The following MAGI2 variants were observed in gnomAD, a reference collection of about 807,000 sequenced individuals.
MAGI2 encodes the protein membrane-associated guanylate kinase, WW and PDZ domain-containing protein 2.
MAGI2 carries 35 observed loss-of-function variants against 133.3 expected under a neutral mutation model. The observed-to-expected ratio is 0.26, with a 90% CI of 0.20 to 0.35. The LOEUF is 0.35. Among genes scored for constraint, MAGI2 ranks in the 10% least tolerant of loss-of-function variants. MAGI2 has a pLI of 1.00. For synonymous variants in MAGI2, 729 were observed against 710.6 expected, an observed-to-expected ratio of 1.03 and a Z score of -0.41; for missense variants, 1,636 against 1,863.4, an observed-to-expected ratio of 0.88 and a Z score of 2.25.
intron 1 of MAGI2, among the ~76,000 whole-genome samples, chr7:79,017,347 T>C (rs1584691636): frequency 6.6e-6 from 1 of 152,114 alleles, no homozygotes; most frequent in African/African-American, 2.4e-5. Context: ...CCTAAAGTCC[T>C]TCAAAAATGA....
At chr7:78,547,009 T>C (rs556925340) in intron 3 of MAGI2, among the ~76,000 whole-genome samples, 1 of 152,196 alleles carries the variant, frequency 6.6e-6, no homozygotes, top group Non-Finnish European at 1.5e-5. Flanking sequence ...GCTCACTTAA[T>C]TGTACAGTAA....
chr7:78,875,464 G>C (rs1795346013), intron 2 of MAGI2, among the ~76,000 whole-genome samples: 1 of 152,184 alleles, frequency 6.6e-6, no homozygotes, highest in African/African-American at 2.4e-5. Flanking sequence ...AAGACCCTCA[G>C]GGAGTCAGAC....
At chr7:78,849,716 C>T (rs1424482993) in intron 2 of MAGI2, among the ~76,000 whole-genome samples, 1 of 151,946 alleles carries the variant, frequency 6.6e-6, no homozygotes, top group Non-Finnish European at 1.5e-5. Context: ...TGAAAGGAAA[C>T]CTCTCTAAAG....
chr7:78,081,184 C>G (rs980261684), intron 20 of MAGI2, among the ~76,000 whole-genome samples: 1 of 152,192 alleles, frequency 6.6e-6, no homozygotes, highest in African/African-American at 2.4e-5. Context: ...GATGTCCACT[C>G]TCTCTGTTCA....
At chr7:79,205,112 C>T (rs558145443) in intron 1 of MAGI2, among the ~76,000 whole-genome samples, 47 of 151,494 alleles carry the variant, frequency 3.1e-4, no homozygotes, top group African/African-American at 1.1e-3. Context: ...CGCAAATATC[C>T]GTGCATTAGG....
intron 2 of MAGI2, among the ~76,000 whole-genome samples, chr7:78,885,655 A>G (rs74321716): frequency 8.2e-5 from 5 of 60,734 alleles, no homozygotes; most frequent in Non-Finnish European, 1.4e-4. Flanking sequence ...GTGTGTGTGT[A>G]TTTTATATAA....
chr7:79,449,555 C>A (rs1849093337), intron 1 of MAGI2, among the ~76,000 whole-genome samples: 3 of 151,960 alleles, frequency 2.0e-5, no homozygotes, highest in Middle Eastern at 3.4e-3. Flanking sequence ...GAAAGAAGAC[C>A]TTTAGCACTT....
chr7:79,174,350 G>A lies in MAGI2; in HGVS notation c.302-167144C>T, dbSNP rs372585823. Among the ~76,000 whole-genome samples the A allele has an allele frequency of 1.3e-4, 20 of 151,892 alleles. No individual in the cohort carries two copies. The East Asian group carries it at 1.4e-3, about 10-fold the overall frequency. ...TAAATGGATATATGTATATAAGATC[G>A]CTAGGAAAATACTTTAGAAGCATAA... On this transcript the variant is annotated intron_variant, in intron 1 of 21. Transcript: ENST00000354212.
chr7:78,623,170 T>A (rs1232471452), intron 3 of MAGI2, among the ~76,000 whole-genome samples: 3 of 152,066 alleles, frequency 2.0e-5, no homozygotes, highest in Non-Finnish European at 4.4e-5. Flanking sequence ...TTGACATAAT[T>A]TTTCAGCTTA....
chr7:79,071,094 G>A (rs1814917263), intron 1 of MAGI2, among the ~76,000 whole-genome samples: 1 of 152,144 alleles, frequency 6.6e-6, no homozygotes, highest in Non-Finnish European at 1.5e-5. Context: ...ATCTACCTTT[G>A]GTCTTTGATG....
rs10452910 is a variant in MAGI2 at position 78,588,203 on chromosome 7, T to C, written c.538+38917A>G. On this transcript the variant is annotated intron_variant, in intron 3 of 21. Transcript: ENST00000354212. ...TCTCTCCACCCGACACTTTATCATCTTTGTTATGTGACAATTAACTGGAGG... is the reference window on the plus strand; with the variant it reads ...TCTCTCCACCCGACACTTTATCATCCTTGTTATGTGACAATTAACTGGAGG... Among the ~76,000 whole-genome samples the C allele has an allele frequency of 2.3e-3, 351 of 152,346 alleles. 2 individuals carry two copies. The highest frequency in any genetic ancestry group is 7.9e-3 in the African/African-American group (329 of 41,588).
intron 3 of MAGI2, among the ~76,000 whole-genome samples, chr7:78,533,640 G>A (rs1797650539): frequency 6.6e-6 from 1 of 152,148 alleles, no homozygotes; most frequent in Non-Finnish European, 1.5e-5. Flanking sequence ...TTCGAGTTGA[G>A]ATGTGCTGTA....
intron 2 of MAGI2, among the ~76,000 whole-genome samples, chr7:78,692,291 G>C (rs1304034213): frequency 6.6e-6 from 1 of 152,146 alleles, no homozygotes; most frequent in East Asian, 1.9e-4. Context: ...TAAAAGAAGA[G>C]ACTGAATGGT....
intron 1 of MAGI2, among the ~76,000 whole-genome samples, chr7:79,334,346 T>C (rs1045615178): frequency 1.1e-4 from 16 of 152,334 alleles, no homozygotes; most frequent in African/African-American, 3.6e-4. Flanking sequence ...ATGGTTATTT[T>C]AGTTCTCAGG....
At chr7:78,160,374 A>T in intron 15 of MAGI2, 101 bp from the exon 16 acceptor site, 1 of 1,240,840 alleles carries the variant, frequency 8.1e-7, no homozygotes, top group Non-Finnish European at 1.1e-6. Context: ...TATTGTTACA[A>T]GACTGGTTGA....
At chr7:78,866,932 T>A (rs968259029) in intron 2 of MAGI2, among the ~76,000 whole-genome samples, 1 of 151,850 alleles carries the variant, frequency 6.6e-6, no homozygotes, top group African/African-American at 2.4e-5. Flanking sequence ...CAAAAACACA[T>A]GAAAAAATGC....
intron 2 of MAGI2, among the ~76,000 whole-genome samples, chr7:78,931,536 T>C (rs1280437268): frequency 6.6e-6 from 1 of 152,076 alleles, no homozygotes; most frequent in Non-Finnish European, 1.5e-5. Context: ...AACAGAGCCT[T>C]CTACAGAAAC....
chr7:78,573,076 T>TACACACACAC (rs1217454892), intron 3 of MAGI2, among the ~76,000 whole-genome samples: 16 of 52,572 alleles, frequency 3.0e-4, no homozygotes, highest in African/African-American at 8.4e-4. Context: ...TATATATATA[T>TACACACACAC]ACACACACAC....
At chr7:79,203,242 T>C (rs1828765480) in intron 1 of MAGI2, among the ~76,000 whole-genome samples, 1 of 152,098 alleles carries the variant, frequency 6.6e-6, no homozygotes, top group Non-Finnish European at 1.5e-5. Flanking sequence ...CTGCTTCTTA[T>C]TTGCATTTAT....
Sources: allele counts gnomAD v4.1 joint callset (sites outside exome capture counted in the v4.1 genomes callset), GRCh38; gene constraint gnomAD v4.1.1; transcripts MANE v1.5; gene names NCBI Gene and HGNC (gene_info 2026-07-23, HGNC 2026-07-21).